Variants in TRIM55 observed in about 807,000 individuals in gnomAD.
The protein encoded by TRIM55 is tripartite motif containing 55.
Under a neutral mutation model 60.9 loss-of-function variants are expected in TRIM55, and 50 were observed. The ratio of observed to expected loss-of-function variants is 0.82; its 90% CI spans 0.65 to 1.04. TRIM55 has a LOEUF of 1.04. TRIM55 is among the 50% of genes least tolerant of loss of function. The pLI, the probability that TRIM55 is intolerant of heterozygous loss-of-function variation, is 0.00. For missense variants in TRIM55, 681 were observed against 666.9 expected (o/e 1.02, Z -0.23); for synonymous variants, 237 against 238.1 (o/e 1.00, Z 0.04).
At chr8:66,116,563 C>A in the TRIM55 span, among the ~76,000 whole-genome samples, 1 of 107,988 alleles carries the variant, frequency 9.3e-6, no homozygotes, top group African/African-American at 5.6e-5. Context: ...GCAGTGATTG[C>A]GCCACTGCAC....
At chr8:66,139,479 G>A (rs1431280954) in intron 4 of TRIM55, among the ~76,000 whole-genome samples, 2 of 144,614 alleles carry the variant, frequency 1.4e-5, no homozygotes, top group Non-Finnish European at 2.9e-5. Context: ...AAGCCGATCA[G>A]GGGCATGGTA....
chr8:66,150,054 A>G (rs1037250417), intron 5 of TRIM55, among the ~76,000 whole-genome samples, 163 bp from the exon 6 acceptor site: 22 of 152,370 alleles, frequency 1.4e-4, no homozygotes, highest in Middle Eastern at 6.8e-3. Context: ...CATGTCTATG[A>G]TACTGCTTAA....
Position 66,149,533 on chromosome 8 carries a change from G to GA in TRIM55, c.604-105dup, listed in dbSNP as rs1291517027. 4.6e-6 allele frequency: 4 copies of GA among 869,266 alleles called. No individual in the cohort carries two copies. The South Asian group carries it at 7.1e-5, about 16-fold the overall frequency. 53.8% of individuals were successfully genotyped at this position (869,266 alleles called of 1,614,324 possible). On this transcript the variant is annotated intron_variant, in intron 4 of 9. Coordinates refer to ENST00000315962, the MANE Select transcript of TRIM55 (RefSeq NM_184085.2). ...CCTAAATAGACATCTTCAGGGAAAA[G>GA]AAAAAAATATCCTACATAAGTAAAT...
chr8:66,172,376 A>C (rs747565930), intron 9 of TRIM55, among the ~76,000 whole-genome samples: 1 of 152,188 alleles, frequency 6.6e-6, no homozygotes, highest in Non-Finnish European at 1.5e-5. Context: ...GAGATGGTGC[A>C]ATTATCTAAA....
At chr8:66,145,660 G>GT (rs144951748) in intron 4 of TRIM55, among the ~76,000 whole-genome samples, 3,717 of 148,594 alleles carry the variant, frequency 0.025, 138 homozygotes, top group African/African-American at 0.08. Flanking sequence ...TTTGGGTTTT[G>GT]TTTTTTTTTT....
intron 2 of TRIM55, among the ~76,000 whole-genome samples, chr8:66,130,283 A>G (rs1470730668): frequency 6.6e-6 from 1 of 152,200 alleles, no homozygotes; most frequent in African/African-American, 2.4e-5. Flanking sequence ...TAAAGCTCAT[A>G]GTTGAGTGAA....
At chr8:66,148,274 G>A (rs1465389475) in intron 4 of TRIM55, among the ~76,000 whole-genome samples, 2 of 152,210 alleles carry the variant, frequency 1.3e-5, no homozygotes, top group East Asian at 3.8e-4. Context: ...GGATCTGGAT[G>A]GTACTGGAGA....
chr8:66,114,717 G>T, the TRIM55 span: 4 of 446,228 alleles, frequency 9.0e-6, no homozygotes, highest in Non-Finnish European at 1.8e-5. Flanking sequence ...TCCGCAGGGC[G>T]GACTGCCTGG....
At chr8:66,146,368 A>G (rs1333088179) in intron 4 of TRIM55, among the ~76,000 whole-genome samples, 2 of 151,966 alleles carry the variant, frequency 1.3e-5, no homozygotes, top group East Asian at 3.9e-4. Context: ...TTAAACTGCC[A>G]AAAAAAATTA....
intron 4 of TRIM55, among the ~76,000 whole-genome samples, chr8:66,148,733 A>G (rs1810239409): frequency 6.6e-6 from 1 of 152,166 alleles, no homozygotes; most frequent in Non-Finnish European, 1.5e-5. Context: ...TTCTTTGTGT[A>G]ATAGGGAGTC....
Position 66,133,674 on chromosome 8 carries a change from A to G in TRIM55, c.342-1316A>G, listed in dbSNP as rs537994324. On this transcript the variant is annotated intron_variant, in intron 2 of 9. Transcript: ENST00000315962. ...CTTACAAGACCCAGGGCTTCTCCCA[A>G]TGTTTAGCCTAATCTCAAGTAATTG... Among the ~76,000 whole-genome samples, 11 of 152,276 alleles carry G rather than the reference A, an allele frequency of 7.2e-5. No individual in the cohort carries two copies. The South Asian group carries it at 1.9e-3, about 26-fold the overall frequency.
At chr8:66,164,165 C>T (rs994335815) in intron 9 of TRIM55, among the ~76,000 whole-genome samples, 2 of 152,116 alleles carry the variant, frequency 1.3e-5, no homozygotes, top group African/African-American at 2.4e-5. Context: ...TGCTGACAGT[C>T]ATTAAGGCGT....
chr8:66,131,352 G>C (rs1262189412), intron 2 of TRIM55, among the ~76,000 whole-genome samples: 1 of 152,144 alleles, frequency 6.6e-6, no homozygotes, highest in East Asian at 1.9e-4. Flanking sequence ...ATTCCCCAGA[G>C]TCAACCACTT....
intron 9 of TRIM55, among the ~76,000 whole-genome samples, chr8:66,158,234 G>A (rs1810859713): frequency 6.6e-6 from 1 of 151,016 alleles, no homozygotes; most frequent in Admixed American, 6.6e-5. Flanking sequence ...TGGAGATAGG[G>A]ACTTTGGCAT....
At chr8:66,156,776 G>GA (rs1399729663) in intron 9 of TRIM55, among the ~76,000 whole-genome samples, 1 of 152,130 alleles carries the variant, frequency 6.6e-6, no homozygotes, top group African/African-American at 2.4e-5. Context: ...CAATGGCGGT[G>GA]GCGTCTCCAT....
the TRIM55 span, among the ~76,000 whole-genome samples, chr8:66,119,916 A>T: frequency 6.6e-6 from 1 of 152,224 alleles, no homozygotes; most frequent in Admixed American, 6.5e-5. Flanking sequence ...TAGAGATTGG[A>T]CACTACAGAT....
In TRIM55 at chr8:66,158,141, CCACACACACACACACACACACACACA is replaced by C. The variant is rs35285600; in HGVS notation, c.1524+3843_1524+3868del. On this transcript the variant is annotated intron_variant, in intron 9 of 9. Transcript: ENST00000315962. ...GCCTCAGGGTAAGAGGATCTCCCCA[CCACACACACACACACACACACACACA>C]CACACACACACACACACACACACAC... is the stretch of plus-strand genomic sequence containing the variant. Among the ~76,000 whole-genome samples the C allele has an allele frequency of 2.3e-3, 261 of 114,860 alleles. 1 individual carries two copies. The highest frequency in any genetic ancestry group is 6.8e-3 in the African/African-American group (205 of 30,212). The allele number at this position is 114,860 out of a possible 152,430, so 75.4% of individuals were successfully genotyped here. A position where few individuals can be genotyped will look rare whatever the true frequency, so the allele number is the denominator to read the frequency against.
At chr8:66,140,239 T>C (rs1809729363) in intron 4 of TRIM55, among the ~76,000 whole-genome samples, 1 of 152,240 alleles carries the variant, frequency 6.6e-6, no homozygotes. Flanking sequence ...TATAGCCTCC[T>C]ATACATTCAT....
At chr8:66,147,029 C>A (rs964912245) in intron 4 of TRIM55, among the ~76,000 whole-genome samples, 2 of 151,820 alleles carry the variant, frequency 1.3e-5, no homozygotes, top group African/African-American at 4.8e-5. Flanking sequence ...AGTTCCTCCA[C>A]CTACACAAAG....
Sources: gnomAD v4.1 joint callset for allele counts (sites outside exome capture counted in the v4.1 genomes callset) on GRCh38, gnomAD v4.1.1 for gene constraint, MANE v1.5 for transcripts, NCBI Gene and HGNC (gene_info 2026-07-23, HGNC 2026-07-21) for gene names.